The following CNTN5 variants were observed in gnomAD, a reference collection of about 807,000 sequenced individuals.
CNTN5 encodes the protein contactin-5.
In CNTN5, 77 loss-of-function variants were observed where a neutral mutation model predicts 129.1. The observed-to-expected ratio is 0.60, with a 90% CI of 0.50 to 0.72. CNTN5 has a LOEUF of 0.72. CNTN5 is among the 30% of genes least tolerant of loss of function. The pLI is 0.00. For synonymous variants in CNTN5, 509 were observed against 465.6 expected (o/e 1.09, Z -1.20); for missense variants, 1,478 against 1,328.8 (o/e 1.11, Z -1.75).
At chr11:99,522,774 T>G (rs866920990) in intron 2 of CNTN5, among the ~76,000 whole-genome samples, 2 of 152,196 alleles carry the variant, frequency 1.3e-5, no homozygotes, top group Admixed American at 6.5e-5. Flanking sequence ...AATACTGGCA[T>G]CTATCTTTCT....
chr11:99,795,913 A>G (rs1301845), intron 3 of CNTN5, among the ~76,000 whole-genome samples: 89,723 of 152,014 alleles, frequency 0.59, 27,022 homozygotes, highest in East Asian at 0.72. Context: ...GTGCCAGCCA[A>G]AGTGCTTCAT....
At chr11:99,316,638 G>A (rs1331262658) in intron 1 of CNTN5, among the ~76,000 whole-genome samples, 1 of 151,538 alleles carries the variant, frequency 6.6e-6, no homozygotes, top group Non-Finnish European at 1.5e-5. Flanking sequence ...TTCTCCCAGG[G>A]CACACATGCT....
At chr11:99,764,005 A>T (rs1000661239) in intron 3 of CNTN5, among the ~76,000 whole-genome samples, 3 of 151,914 alleles carry the variant, frequency 2.0e-5, no homozygotes, top group African/African-American at 7.2e-5. Flanking sequence ...TATTTATATT[A>T]TTTTTTTTCC....
intron 3 of CNTN5, among the ~76,000 whole-genome samples, chr11:99,786,392 T>C (rs1485956055): frequency 2.0e-5 from 3 of 151,620 alleles, no homozygotes; most frequent in African/African-American, 7.2e-5. Flanking sequence ...TGCCCATGGA[T>C]AGGAAGAATC....
intron 2 of CNTN5, among the ~76,000 whole-genome samples, chr11:99,473,653 A>G (rs1001515077): frequency 6.6e-6 from 1 of 151,834 alleles, no homozygotes; most frequent in African/African-American, 2.4e-5. Context: ...ATTTTTACAC[A>G]TTTCTCAGTG....
At chr11:99,963,031 T>G (rs1388124241) in intron 8 of CNTN5, among the ~76,000 whole-genome samples, 8 of 152,194 alleles carry the variant, frequency 5.3e-5, no homozygotes, top group East Asian at 1.9e-4. Context: ...TAAATTTGTT[T>G]GAGTTCATTG....
chr11:99,956,203 G>T (rs1285538685), intron 7 of CNTN5, among the ~76,000 whole-genome samples: 1 of 152,006 alleles, frequency 6.6e-6, no homozygotes, highest in African/African-American at 2.4e-5. Flanking sequence ...TTTTAAAAAT[G>T]AACCTCAAAA....
Position 99,835,609 on chromosome 11 carries a change from A to G in CNTN5, c.278-9243A>G, listed in dbSNP as rs1330811128. Among the ~76,000 whole-genome samples, 5 of 152,186 alleles carry G rather than the reference A, an allele frequency of 3.3e-5. No homozygotes were observed. The East Asian group carries it at 9.6e-4, about 29-fold the overall frequency. ...CATACAACATAAATGTGTACGTAAT[A>G]GCACTGGGCCTTCTAGAAGGGTTAA... On this transcript the variant is annotated intron_variant, in intron 4 of 24. Coordinates refer to ENST00000524871, the MANE Select transcript of CNTN5 (RefSeq NM_014361.4).
At chr11:99,158,092 T>C (rs1668348753) in intron 1 of CNTN5, among the ~76,000 whole-genome samples, 1 of 152,158 alleles carries the variant, frequency 6.6e-6, no homozygotes, top group African/African-American at 2.4e-5. Context: ...ATTGAACCAA[T>C]ATTAAAGAAA....
chr11:99,480,219 T>C (rs113688471), intron 2 of CNTN5, among the ~76,000 whole-genome samples: 6,760 of 152,270 alleles, frequency 0.044, 182 homozygotes, highest in South Asian at 0.082. Context: ...ATTAAATACT[T>C]GTTCTCTCCT....
chr11:99,821,157 T>C (rs1946789327), intron 4 of CNTN5, among the ~76,000 whole-genome samples: 1 of 152,224 alleles, frequency 6.6e-6, no homozygotes, highest in African/African-American at 2.4e-5. Context: ...GAAAATCAAG[T>C]GATCAGAACT....
In CNTN5 at chr11:99,025,117, C is replaced by T. The variant is rs185520639; in HGVS notation, c.-210+3847C>T. 6.1e-3 allele frequency among the ~76,000 whole-genome samples: 932 copies of T among 152,030 alleles called. 5 individuals are homozygous for T. Among genetic ancestry groups the T allele is most frequent in the South Asian group, 0.018 (89 of 4,828 alleles). On this transcript the variant is annotated intron_variant, in intron 1 of 24. Transcript: ENST00000524871. ...TTCTCATAACAGATCCGACAGGACT[C>T]ACCTATTTCCTCTTATGCCAGTCAT...
intron 3 of CNTN5, among the ~76,000 whole-genome samples, chr11:99,628,008 T>A (rs1008252161): frequency 2.6e-5 from 4 of 151,016 alleles, no homozygotes; most frequent in African/African-American, 9.8e-5. Context: ...TTACTTTGAC[T>A]TAAACTGAAC....
intron 2 of CNTN5, among the ~76,000 whole-genome samples, chr11:99,333,877 G>C (rs1591535668): frequency 6.6e-6 from 1 of 151,896 alleles, no homozygotes; most frequent in East Asian, 1.9e-4. Context: ...TCCTCATGGT[G>C]ACCTGCTTGG....
intron 1 of CNTN5, among the ~76,000 whole-genome samples, chr11:99,283,282 C>T (rs956331864): frequency 6.6e-6 from 1 of 152,036 alleles, no homozygotes; most frequent in Admixed American, 6.6e-5. Context: ...GAAAGGTTTA[C>T]ACTTCTGAAA....
intron 7 of CNTN5, among the ~76,000 whole-genome samples, chr11:99,928,301 CA>C (rs1223016564): frequency 6.6e-6 from 1 of 152,158 alleles, no homozygotes. Flanking sequence ...GTCTGGAGGA[CA>C]ATGGCCCTCT....
At chr11:99,843,700 A>G (rs1220673871) in intron 4 of CNTN5, among the ~76,000 whole-genome samples, 1 of 152,118 alleles carries the variant, frequency 6.6e-6, no homozygotes, top group Non-Finnish European at 1.5e-5. Context: ...ACTGGAATCT[A>G]GTGGGTAGAG....
chr11:99,484,267 T>C (rs1430849914), intron 2 of CNTN5, among the ~76,000 whole-genome samples: 3 of 151,698 alleles, frequency 2.0e-5, no homozygotes, highest in Admixed American at 2.0e-4. Flanking sequence ...CCAACAAATA[T>C]ATGAAAAAAA....
At chr11:100,087,472 C>T (rs967228821) in intron 13 of CNTN5, among the ~76,000 whole-genome samples, 1 of 151,680 alleles carries the variant, frequency 6.6e-6, no homozygotes, top group Admixed American at 6.6e-5. Flanking sequence ...ATAACCCTAA[C>T]AACAAAATTT....
Sources: gnomAD v4.1 joint callset for allele counts (sites outside exome capture counted in the v4.1 genomes callset) on GRCh38, gnomAD v4.1.1 for gene constraint, MANE v1.5 for transcripts, NCBI Gene and HGNC (gene_info 2026-07-23, HGNC 2026-07-21) for gene names.